Variants in WWOX observed in about 807,000 individuals in gnomAD.
WWOX encodes the protein WW domain-containing oxidoreductase.
In WWOX, 69 loss-of-function variants were observed where a neutral mutation model predicts 46.2. That is an observed-to-expected ratio of 1.49 (90% CI 1.23 to 1.82). The LOEUF (loss-of-function observed/expected upper bound fraction) is 1.82, where lower values mean the gene tolerates loss of function less well. Ranked by LOEUF, WWOX falls within the 40% of genes most tolerant of loss-of-function variation. The pLI is 0.00. For missense variants in WWOX, 919 were observed against 542.6 expected (o/e 1.69, Z -6.89); for synonymous variants, 359 against 202.6 (o/e 1.77, Z -6.56).
chr16:78,226,266 C>T (rs1403753860), intron 5 of WWOX, among the ~76,000 whole-genome samples: 5 of 152,102 alleles, frequency 3.3e-5, no homozygotes, highest in Admixed American at 2.0e-4. Context: ...AGCCTGATGC[C>T]TCCCAGCCAT....
At chr16:78,512,042 C>G (rs2085374623) in intron 8 of WWOX, among the ~76,000 whole-genome samples, 1 of 152,174 alleles carries the variant, frequency 6.6e-6, no homozygotes, top group African/African-American at 2.4e-5. Flanking sequence ...GTTTTAGAGA[C>G]ACTGGCTTCA....
chr16:78,568,299 T>C (rs1458114033), intron 8 of WWOX, among the ~76,000 whole-genome samples: 4 of 151,990 alleles, frequency 2.6e-5, no homozygotes, highest in Admixed American at 6.6e-5. Context: ...TTCCTACTTA[T>C]CATTACTTTG....
intron 8 of WWOX, among the ~76,000 whole-genome samples, chr16:78,668,892 A>G (rs2047395086): frequency 6.6e-6 from 1 of 152,172 alleles, no homozygotes; most frequent in Non-Finnish European, 1.5e-5. Flanking sequence ...GGTTCTCTTC[A>G]TCGGGCCTCC....
intron 6 of WWOX, among the ~76,000 whole-genome samples, chr16:78,413,435 G>C (rs2082726861): frequency 6.6e-6 from 1 of 152,152 alleles, no homozygotes; most frequent in African/African-American, 2.4e-5. Flanking sequence ...GGTAGAGTTA[G>C]GAGCAATGTT....
intron 8 of WWOX, among the ~76,000 whole-genome samples, chr16:78,611,224 C>T (rs1220511272): frequency 1.3e-5 from 2 of 152,136 alleles, no homozygotes; most frequent in East Asian, 1.9e-4. Context: ...ACGTTCATTT[C>T]GTGAGACTTT....
intron 8 of WWOX, among the ~76,000 whole-genome samples, chr16:78,944,665 A>T (rs1161348048): frequency 1.3e-5 from 2 of 152,230 alleles, no homozygotes; most frequent in Non-Finnish European, 2.9e-5. Flanking sequence ...TTTTGCGGAG[A>T]TTCGAGCATG....
At chr16:78,455,204 C>T (rs995042139) in intron 8 of WWOX, among the ~76,000 whole-genome samples, 34 of 152,210 alleles carry the variant, frequency 2.2e-4, no homozygotes, top group East Asian at 7.7e-4. Context: ...AATGATGTGT[C>T]GGAGGCAAAC....
chr16:78,541,646 C>T (rs1405913893), intron 8 of WWOX, among the ~76,000 whole-genome samples: 3 of 152,032 alleles, frequency 2.0e-5, no homozygotes, highest in East Asian at 3.9e-4. Flanking sequence ...TCAAATCCCG[C>T]CTCTATCATG....
At chr16:78,965,489 GA>G (rs1334954590) in intron 8 of WWOX, among the ~76,000 whole-genome samples, 3 of 151,560 alleles carry the variant, frequency 2.0e-5, no homozygotes, top group African/African-American at 7.3e-5. Context: ...AGAATCACTT[GA>G]ACCCGGAAAG....
chr16:79,092,529 C>G (rs903365467), intron 8 of WWOX, among the ~76,000 whole-genome samples: 26 of 152,290 alleles, frequency 1.7e-4, no homozygotes, highest in African/African-American at 6.3e-4. Context: ...GGAAATGGTT[C>G]TCTGAGTTTC....
intron 4 of WWOX, among the ~76,000 whole-genome samples, chr16:78,157,323 C>T (rs1333440133): frequency 6.6e-6 from 1 of 152,168 alleles, no homozygotes; most frequent in Non-Finnish European, 1.5e-5. Context: ...CTGCCCCCAG[C>T]CAGCTGGGCT....
intron 8 of WWOX, among the ~76,000 whole-genome samples, chr16:78,595,122 G>C (rs1257534679): frequency 3.9e-5 from 6 of 152,196 alleles, no homozygotes; most frequent in African/African-American, 9.6e-5. Context: ...GGCAGAAGAA[G>C]ACATTGCAAA....
At chr16:78,258,469 G>GA (rs762075665) in intron 5 of WWOX, among the ~76,000 whole-genome samples, 1 of 152,012 alleles carries the variant, frequency 6.6e-6, no homozygotes, top group Non-Finnish European at 1.5e-5. Context: ...TTCCCACTCG[G>GA]ATGCTACGAG....
intron 8 of WWOX, among the ~76,000 whole-genome samples, chr16:79,199,604 G>C (rs915355805): frequency 6.6e-6 from 1 of 152,190 alleles, no homozygotes; most frequent in Non-Finnish European, 1.5e-5. Context: ...TCTTGCAAGA[G>C]TTCAGCTAAA....
At chr16:78,779,116 G>A (rs2050263435) in intron 8 of WWOX, among the ~76,000 whole-genome samples, 1 of 152,112 alleles carries the variant, frequency 6.6e-6, no homozygotes, top group Non-Finnish European at 1.5e-5. Flanking sequence ...ATATCTCAGT[G>A]TTGGAAAACA....
chr16:78,646,928 G>A (rs1264378299), intron 8 of WWOX, among the ~76,000 whole-genome samples: 1 of 152,138 alleles, frequency 6.6e-6, no homozygotes, highest in African/African-American at 2.4e-5. Flanking sequence ...AAGCGAGGTG[G>A]GTTGGAGGGG....
chr16:79,046,087 C>T (rs2048060893), intron 8 of WWOX, among the ~76,000 whole-genome samples: 1 of 152,122 alleles, frequency 6.6e-6, no homozygotes, highest in South Asian at 2.1e-4. Context: ...CAGGCATAAG[C>T]CACTGCACCC....
rs1200217968 is a variant in WWOX at position 78,547,135 on chromosome 16, A to AC, written c.1056+114383_1056+114384insC. ...TGTGAGACCTTGTCTCAGAAAAAAAAAAAAAAAAAAAAAAAAAAAAAAAAC... is the reference window on the plus strand; with the variant it reads ...TGTGAGACCTTGTCTCAGAAAAAAAACAAAAAAAAAAAAAAAAAAAAAAAAC... On this transcript the variant is annotated intron_variant, in intron 8 of 8. Coordinates refer to ENST00000566780, the MANE Select transcript of WWOX (RefSeq NM_016373.4). 6.4e-4 allele frequency among the ~76,000 whole-genome samples: 24 copies of AC among 37,716 alleles called. 1 individual carries two copies. In the East Asian group the frequency reaches 0.021, roughly 33 times the overall value. 24.7% of individuals were successfully genotyped at this position (37,716 alleles called of 152,430 possible).
intron 8 of WWOX, among the ~76,000 whole-genome samples, chr16:78,786,403 AGGAT>A (rs1483961232): frequency 1.3e-5 from 2 of 152,216 alleles, no homozygotes; most frequent in African/African-American, 4.8e-5. Context: ...CACCACACAC[AGGAT>A]ACAGTCAATG....
Sources: allele counts gnomAD v4.1 joint callset (sites outside exome capture counted in the v4.1 genomes callset), GRCh38; gene constraint gnomAD v4.1.1; transcripts MANE v1.5; gene names NCBI Gene and HGNC (gene_info 2026-07-23, HGNC 2026-07-21).